SLC38A9: variants seen among roughly 807,000 people sequenced by gnomAD.
SLC38A9 encodes solute carrier family 38 member 9.
SLC38A9 carries 48 observed loss-of-function variants against 62.3 expected under a neutral mutation model. The ratio of observed to expected loss-of-function variants is 0.77; its 90% CI spans 0.61 to 0.98. The LOEUF is 0.98. SLC38A9 is among the 50% of genes least tolerant of loss of function. The probability of loss-of-function intolerance (pLI) is 0.00; values close to 1 mark genes in which losing one functional copy is unlikely to be tolerated. For synonymous variants in SLC38A9, 204 were observed against 227.7 expected, an observed-to-expected ratio of 0.90 and a Z score of 0.94; for missense variants, 541 against 679.8, an observed-to-expected ratio of 0.80 and a Z score of 2.27.
intron 3 of SLC38A9, among the ~76,000 whole-genome samples, chr5:55,685,695 A>G (rs1753696877): frequency 6.6e-6 from 1 of 152,030 alleles, no homozygotes; most frequent in South Asian, 2.1e-4. Flanking sequence ...AACATGTGTG[A>G]TGGGGGTTTG....
At chr5:55,700,396 GA>G (rs1370871378) in intron 2 of SLC38A9, among the ~76,000 whole-genome samples, 12 of 147,832 alleles carry the variant, frequency 8.1e-5, no homozygotes, top group Admixed American at 3.4e-4. Context: ...GACCAAAGGG[GA>G]AAAAAAAAGT....
At chr5:55,683,197 T>C (rs140961977) in intron 3 of SLC38A9, among the ~76,000 whole-genome samples, 11 of 152,256 alleles carry the variant, frequency 7.2e-5, no homozygotes, top group African/African-American at 2.6e-4. Context: ...GTAAATACAG[T>C]AAATATACCA....
chr5:55,705,511 A>ATCACTAAGCTAT (rs1038689136), intron 2 of SLC38A9, among the ~76,000 whole-genome samples: 9 of 151,912 alleles, frequency 5.9e-5, no homozygotes, highest in African/African-American at 2.2e-4. Context: ...TTTGTCCTAA[A>ATCACTAAGCTAT]TCACTAAGCT....
chr5:55,701,675 A>G (rs1431454201), intron 2 of SLC38A9, among the ~76,000 whole-genome samples: 1 of 152,248 alleles, frequency 6.6e-6, no homozygotes, highest in East Asian at 1.9e-4. Flanking sequence ...AATTAAAGGG[A>G]GTGCTACTGA....
chr5:55,691,308 C>G, intron 3 of SLC38A9: 1 of 1,499,860 alleles, frequency 6.7e-7, no homozygotes, highest in Non-Finnish European at 8.9e-7. Context: ...GGGAATAGGA[C>G]AGATAAGTAC....
chr5:55,654,027 T>C (rs1747981915), intron 9 of SLC38A9, among the ~76,000 whole-genome samples: 1 of 94,634 alleles, frequency 1.1e-5, no homozygotes, highest in African/African-American at 3.2e-5. Flanking sequence ...GTACCAGCCA[T>C]TCTCATTGTT....
chr5:55,698,036 T>A (rs1756156838), intron 2 of SLC38A9, 44 bp from the exon 3 acceptor site: 1 of 710,634 alleles, frequency 1.4e-6, no homozygotes, highest in Admixed American at 3.3e-5. Flanking sequence ...TTAAAATATT[T>A]TATTATCCAT....
intron 8 of SLC38A9, among the ~76,000 whole-genome samples, chr5:55,661,546 C>T (rs2042306): frequency 0.6 from 90,816 of 151,592 alleles, 27,800 homozygotes; most frequent in South Asian, 0.7. Context: ...AAATTCTAAC[C>T]CAATACGCTA....
rs146138793 is a variant in SLC38A9 at position 55,633,778 on chromosome 5, T to G, written c.1406A>C (p.His469Pro). Residue 469 changes from histidine (H) to proline (P), a missense_variant, in exon 14 of 16, where the codon CAT becomes CCT. Coordinates refer to ENST00000396865, the MANE Select transcript of SLC38A9 (RefSeq NM_173514.4). The part of the protein sequence containing the change: ...GYLARVQLLG[H>P]IFGDIYPSIF... The stretch of plus-strand genomic sequence containing the variant: ...CCTAGGATAAATGTCACCGAAGATA[T>G]GGCCCAAAAGCTGGACACGAGCCAG... 1 of 1,614,168 alleles carries G rather than the reference T, an allele frequency of 6.2e-7. No individual in the cohort carries two copies. The highest frequency in any genetic ancestry group is 8.5e-7 in the Non-Finnish European group (1 of 1,180,034).
rs1247137811 is a variant in SLC38A9, at chr5:55,691,136, A to T, written c.113+6710T>A. The T allele has an allele frequency of 1.0e-4, 73 of 722,816 alleles. 1 individual carries two copies. The Admixed American group carries it at 1.5e-3, about 14-fold the overall frequency. 44.8% of individuals were successfully genotyped at this position (722,816 alleles called of 1,614,324 possible). A position where few individuals can be genotyped will look rare whatever the true frequency, so the allele number is the denominator to read the frequency against. ...CCACTTGGCTTATCAGAGCACCTGAAATGTTCTCAGTTAGAAAAATCTTGA... is the reference window on the plus strand; with the variant it reads ...CCACTTGGCTTATCAGAGCACCTGATATGTTCTCAGTTAGAAAAATCTTGA... On this transcript the variant is annotated intron_variant, in intron 3 of 15. Transcript: ENST00000396865.
At chr5:55,681,479 A>C (rs1263528834) in intron 3 of SLC38A9, among the ~76,000 whole-genome samples, 1 of 152,184 alleles carries the variant, frequency 6.6e-6, no homozygotes, top group African/African-American at 2.4e-5. Flanking sequence ...TCTTAGCTTC[A>C]GTCTCTACCC....
intron 13 of SLC38A9, chr5:55,634,124 T>A: frequency 2.7e-6 from 1 of 370,626 alleles, no homozygotes; most frequent in Non-Finnish European, 4.8e-6. Context: ...TTGCCACAAT[T>A]TTATTCTATT....
chr5:55,694,603 T>G (rs1361591653), intron 3 of SLC38A9, among the ~76,000 whole-genome samples: 1 of 152,174 alleles, frequency 6.6e-6, no homozygotes, highest in African/African-American at 2.4e-5. Flanking sequence ...ATCAATATAC[T>G]TTGTTTCTAT....
intron 12 of SLC38A9, among the ~76,000 whole-genome samples, chr5:55,644,349 GTCACTATT>G (rs1745940521): frequency 3.7e-5 from 1 of 27,220 alleles, no homozygotes; most frequent in African/African-American, 8.2e-5. Context: ...TTTTCTATTT[GTCACTATT>G]TGTTTTCTAT....
chr5:55,630,563 G>A (rs1191479845), intron 14 of SLC38A9, among the ~76,000 whole-genome samples: 7 of 152,054 alleles, frequency 4.6e-5, no homozygotes, highest in South Asian at 4.2e-4. Flanking sequence ...TGATCCACCC[G>A]CCTTGGCCTC....
chr5:55,708,006 C>T (rs1455427004), intron 2 of SLC38A9, among the ~76,000 whole-genome samples: 1 of 152,194 alleles, frequency 6.6e-6, no homozygotes, highest in Non-Finnish European at 1.5e-5. Context: ...GTGGCTTGAT[C>T]TTGGACTTCC....
intron 3 of SLC38A9, among the ~76,000 whole-genome samples, chr5:55,677,011 T>G (rs1454996879): frequency 1.3e-5 from 2 of 152,164 alleles, no homozygotes; most frequent in African/African-American, 4.8e-5. Flanking sequence ...TTTAAAAACT[T>G]CCAAATGAAG....
At chr5:55,652,760 A>AAAAAC (rs746885339) in intron 9 of SLC38A9, 37 bp from the exon 10 acceptor site, 85 of 1,484,914 alleles carry the variant, frequency 5.7e-5, no homozygotes, top group Admixed American at 2.0e-4. Context: ...GAAGATGACA[A>AAAAAC]AAAACAAAAC....
At chr5:55,664,214 C>T (rs1244298746) in intron 8 of SLC38A9, among the ~76,000 whole-genome samples, 3 of 152,148 alleles carry the variant, frequency 2.0e-5, no homozygotes, top group East Asian at 3.9e-4. Flanking sequence ...AGTATTTGGA[C>T]TGATTTCTAA....
Sources: allele counts gnomAD v4.1 joint callset (sites outside exome capture counted in the v4.1 genomes callset), GRCh38; gene constraint gnomAD v4.1.1; transcripts MANE v1.5; gene names NCBI Gene and HGNC (gene_info 2026-07-23, HGNC 2026-07-21).